The following SUGCT variants were observed in gnomAD, a reference collection of about 807,000 sequenced individuals.
SUGCT encodes the protein succinyl-CoA:glutarate-CoA transferase, also known as succinyl-CoA:glutarate CoA-transferase.
SUGCT carries 41 observed loss-of-function variants against 55.0 expected under a neutral mutation model. The ratio of observed to expected loss-of-function variants is 0.74; its 90% confidence interval spans 0.58 to 0.97. The LOEUF is 0.97. Among genes scored for constraint, SUGCT ranks in the 50% least tolerant of loss-of-function variants. The pLI is 0.00. For missense variants in SUGCT, 568 were observed against 547.8 expected, an observed-to-expected ratio of 1.04 and a Z score of -0.37; for synonymous variants, 187 against 200.4, an observed-to-expected ratio of 0.93 and a Z score of 0.56.
At chr7:40,330,923 AT>A (rs1306364983) in intron 9 of SUGCT, among the ~76,000 whole-genome samples, 1 of 152,190 alleles carries the variant, frequency 6.6e-6, no homozygotes, top group Non-Finnish European at 1.5e-5. Flanking sequence ...ATTTTGAAGC[AT>A]TTTAGTGAAA....
the SUGCT span, among the ~76,000 whole-genome samples, chr7:40,919,807 C>A: frequency 6.6e-6 from 1 of 152,160 alleles, no homozygotes; most frequent in African/African-American, 2.4e-5. Flanking sequence ...CTCCCAATTA[C>A]CTGACAAAGT....
intron 9 of SUGCT, among the ~76,000 whole-genome samples, chr7:40,328,909 G>T (rs1057426101): frequency 3.9e-5 from 6 of 152,132 alleles, no homozygotes; most frequent in African/African-American, 1.4e-4. Context: ...GGAAGAGTTT[G>T]GGTGAGGCCT....
chr7:40,136,984 G>C (rs1180584932), intron 1 of SUGCT, among the ~76,000 whole-genome samples: 2 of 151,758 alleles, frequency 1.3e-5, no homozygotes, highest in African/African-American at 2.4e-5. Flanking sequence ...AACAGAGCGA[G>C]ACCCTATCAT....
chr7:40,943,906 AG>A, the SUGCT span, among the ~76,000 whole-genome samples: 5 of 150,110 alleles, frequency 3.3e-5, no homozygotes, highest in African/African-American at 1.2e-4. Flanking sequence ...ACAGTGTAAA[AG>A]TGTTCCTATT....
At chr7:40,520,848 G>T (rs1793492315) in intron 12 of SUGCT, among the ~76,000 whole-genome samples, 1 of 152,202 alleles carries the variant, frequency 6.6e-6, no homozygotes, top group Middle Eastern at 3.4e-3. Flanking sequence ...AATTTAGGTG[G>T]CAGAACAAAG....
chr7:40,998,203 A>C, the SUGCT span, among the ~76,000 whole-genome samples: 2 of 152,118 alleles, frequency 1.3e-5, no homozygotes, highest in East Asian at 3.9e-4. Flanking sequence ...CCCCGTTTGT[A>C]CTAAAAATAC....
At chr7:40,717,840 T>C (rs1342465841) in intron 12 of SUGCT, among the ~76,000 whole-genome samples, 2 of 152,146 alleles carry the variant, frequency 1.3e-5, no homozygotes, top group African/African-American at 4.8e-5. Context: ...TATATAGATA[T>C]AAATACATAG....
At chr7:40,431,575 G>C (rs886470552) in intron 9 of SUGCT, among the ~76,000 whole-genome samples, 2 of 152,076 alleles carry the variant, frequency 1.3e-5, no homozygotes, top group Admixed American at 1.3e-4. Flanking sequence ...CATGAGCATA[G>C]GCTATATTTT....
At chr7:40,156,372 A>G (rs1584206901) in intron 1 of SUGCT, among the ~76,000 whole-genome samples, 1 of 152,088 alleles carries the variant, frequency 6.6e-6, no homozygotes, top group Admixed American at 6.5e-5. Context: ...CTGAGGCAGG[A>G]GAATGGCGTG....
the SUGCT span, among the ~76,000 whole-genome samples, chr7:40,868,498 AT>A: frequency 6.6e-6 from 1 of 152,114 alleles, no homozygotes; most frequent in East Asian, 1.9e-4. Flanking sequence ...GATCTCATTC[AT>A]TTTTATGGCT....
chr7:41,021,637 G>A, the SUGCT span, among the ~76,000 whole-genome samples: 9 of 151,642 alleles, frequency 5.9e-5, no homozygotes, highest in Admixed American at 3.3e-4. Context: ...AAGAACTAGA[G>A]GTCATGGAAT....
At chr7:40,320,497 A>G (rs1344401757) in intron 9 of SUGCT, among the ~76,000 whole-genome samples, 4 of 152,220 alleles carry the variant, frequency 2.6e-5, no homozygotes, top group African/African-American at 9.6e-5. Context: ...GAAAGCAGAT[A>G]GCTGGTCTCC....
the SUGCT span, among the ~76,000 whole-genome samples, chr7:40,901,340 C>T: frequency 4.6e-5 from 7 of 152,188 alleles, no homozygotes; most frequent in African/African-American, 1.7e-4. Context: ...TGATCACTTC[C>T]TTGGCCAGGC....
intron 9 of SUGCT, among the ~76,000 whole-genome samples, chr7:40,383,551 A>G (rs1325790902): frequency 6.6e-6 from 1 of 152,220 alleles, no homozygotes; most frequent in Non-Finnish European, 1.5e-5. Context: ...GATATGTGGC[A>G]TTTGCTTTCA....
At chr7:40,550,532 C>G (rs1054658772) in intron 12 of SUGCT, among the ~76,000 whole-genome samples, 19 of 152,170 alleles carry the variant, frequency 1.2e-4, no homozygotes, top group Admixed American at 6.5e-5. Flanking sequence ...GGAGAGCAAC[C>G]ACACATTGAA....
At chr7:40,238,700 A>G (rs1398830738) in intron 7 of SUGCT, among the ~76,000 whole-genome samples, 1 of 151,834 alleles carries the variant, frequency 6.6e-6, no homozygotes, top group Non-Finnish European at 1.5e-5. Context: ...TCATGATGAG[A>G]TTTACTTTTT....
At chr7:40,954,815 T>C in the SUGCT span, among the ~76,000 whole-genome samples, 2 of 152,184 alleles carry the variant, frequency 1.3e-5, no homozygotes, top group African/African-American at 4.8e-5. Context: ...AATTTTTGTA[T>C]AAGGTGTAAG....
chr7:40,711,635 G>A (rs1785727532), intron 12 of SUGCT, among the ~76,000 whole-genome samples: 1 of 152,174 alleles, frequency 6.6e-6, no homozygotes, highest in Non-Finnish European at 1.5e-5. Flanking sequence ...CCTCCCCATA[G>A]ACCTCCATTC....
At chr7:41,015,215 A>G in the SUGCT span, among the ~76,000 whole-genome samples, 21 of 152,176 alleles carry the variant, frequency 1.4e-4, no homozygotes, top group Admixed American at 5.2e-4. Context: ...AAATAGATGG[A>G]GTAATTCACA....
Sources: gnomAD v4.1 joint callset for allele counts (sites outside exome capture counted in the v4.1 genomes callset) on GRCh38, gnomAD v4.1.1 for gene constraint, MANE v1.5 for transcripts, NCBI Gene and HGNC (gene_info 2026-07-23, HGNC 2026-07-21) for gene names.